Variants in UNC5B observed in about 807,000 individuals in gnomAD.
UNC5B encodes the protein netrin receptor UNC5B.
UNC5B carries 56 observed loss-of-function variants against 103.7 expected under a neutral mutation model. That is an observed-to-expected ratio of 0.54 (90% CI 0.44 to 0.67). The LOEUF (loss-of-function observed/expected upper bound fraction) is 0.67. UNC5B is among the 30% of genes least tolerant of loss of function. UNC5B has a pLI of 0.00. For missense variants in UNC5B, 1,194 were observed against 1,284.5 expected (o/e 0.93, Z 1.08); for synonymous variants, 577 against 542.0 (o/e 1.06, Z -0.90).
At position 71,291,521 on chromosome 10, in the gene UNC5B, T is replaced by G. The variant is rs747332998; in HGVS notation, c.1384T>G (p.Ser462Ala). 1.9e-6 allele frequency: 3 copies of G among 1,613,910 alleles called. No individual in the cohort carries two copies. The East Asian group carries it at 6.7e-5, about 36-fold the overall frequency. The change falls in exon 10 of 17, where the codon TCC becomes GCC. Residue 462 changes from serine to alanine, a missense_variant. Coordinates refer to ENST00000335350, the MANE Select transcript of UNC5B (RefSeq NM_170744.5). ...YRGPVYALQD[S>A]TDKIPMTNSP... ...CGGACCCGTGTATGCCCTGCAGGAC[T>G]CCACCGACAAAATCCCCATGACCAA...
intron 1 of UNC5B, among the ~76,000 whole-genome samples, chr10:71,264,440 G>A (rs1025235670): frequency 6.6e-6 from 1 of 152,176 alleles, no homozygotes; most frequent in Non-Finnish European, 1.5e-5. Flanking sequence ...GAATTTGCAG[G>A]AACACAGGTG....
intron 10 of UNC5B, 78 bp from the exon 11 acceptor site, chr10:71,292,389 C>T: frequency 1.6e-6 from 2 of 1,283,558 alleles, no homozygotes; most frequent in Admixed American, 2.0e-5. Flanking sequence ...TCTCTCCCAG[C>T]CCCAAGCTGG....
In UNC5B at chr10:71,297,761, G is replaced by T. The variant is rs1466327722; in HGVS notation, c.2491-148G>T. On this transcript the variant is annotated intron_variant, in intron 15 of 16. Transcript: ENST00000335350. ...TGCCCTTGGGAACCGACCCTTCAAG[G>T]GAGAAGCCCCTGCCTGAACAGTGGG... 10 of 908,338 alleles carry T rather than the reference G, an allele frequency of 1.1e-5. No homozygotes were observed. The African/African-American group carries it at 1.4e-4, about 12-fold the overall frequency. 56.3% of individuals were successfully genotyped at this position (908,338 alleles called of 1,614,324 possible). A position where few individuals can be genotyped will look rare whatever the true frequency, so the allele number is the denominator to read the frequency against.
In UNC5B at chr10:71,295,837, G is replaced by A. The variant is rs777111969; in HGVS notation, c.2202G>A (p.Leu734=). ...LKEVLELERT[L]GGYLVEEPKP... ...AGGTGCTGGAGCTGGAGCGGACTCT[G>A]GGCGGATACTTGGTGGAGGAGCCGA... is the stretch of plus-strand genomic sequence containing the variant. The change falls in exon 14 of 17, where the codon CTG becomes CTA. Residue 734 remains leucine (L), a synonymous_variant. Transcript: ENST00000335350. The A allele has an allele frequency of 2.5e-6, 4 of 1,612,642 alleles. No homozygotes were observed. Among genetic ancestry groups the A allele is most frequent in the African/African-American group, 2.7e-5 (2 of 74,888 alleles).
At chr10:71,251,526 A>C (rs1456121912) in intron 1 of UNC5B, among the ~76,000 whole-genome samples, 1 of 152,174 alleles carries the variant, frequency 6.6e-6, no homozygotes, top group Non-Finnish European at 1.5e-5. Flanking sequence ...TTTGCTCCAC[A>C]ATGGGAAATA....
intron 1 of UNC5B, among the ~76,000 whole-genome samples, chr10:71,276,981 C>G (rs1844787138): frequency 6.6e-6 from 1 of 152,234 alleles, no homozygotes; most frequent in African/African-American, 2.4e-5. Context: ...CTGCCAAGGC[C>G]AGAGCTGAAT....
intron 1 of UNC5B, among the ~76,000 whole-genome samples, chr10:71,243,410 A>G (rs1337788810): frequency 6.6e-6 from 1 of 152,156 alleles, no homozygotes; most frequent in Non-Finnish European, 1.5e-5. Flanking sequence ...TGCACTGCCC[A>G]GTCTGGTAGC....
chr10:71,294,024 C>G (rs1845344059), intron 13 of UNC5B, 91 bp downstream of exon 13: 6 of 1,192,876 alleles, frequency 5.0e-6, no homozygotes, highest in Non-Finnish European at 6.9e-6. Context: ...TGGGTCCTCC[C>G]AGGAACCCCT....
At chr10:71,246,317 G>A (rs2132265011) in intron 1 of UNC5B, among the ~76,000 whole-genome samples, 1 of 152,274 alleles carries the variant, frequency 6.6e-6, no homozygotes, top group South Asian at 2.1e-4. Flanking sequence ...AAGGGGAGAG[G>A]ATCCGAGAGG....
At chr10:71,291,326 G>T in intron 9 of UNC5B, 106 bp from the exon 10 acceptor site, 1 of 1,493,434 alleles carries the variant, frequency 6.7e-7, no homozygotes. Flanking sequence ...GCAGCTGGCA[G>T]CAATTGGGCC....
intron 1 of UNC5B, among the ~76,000 whole-genome samples, chr10:71,253,212 C>G (rs1375113273): frequency 6.6e-6 from 1 of 152,236 alleles, no homozygotes. Flanking sequence ...AGGCCCAACC[C>G]TCCCCAGCAC....
chr10:71,217,801 C>A (rs1843364942), intron 1 of UNC5B: 1 of 152,142 alleles, frequency 6.6e-6, no homozygotes, highest in African/African-American at 2.4e-5. Flanking sequence ...GCATCGCCGC[C>A]GCTTGTGGGG....
At chr10:71,252,877 T>A (rs910162850) in intron 1 of UNC5B, among the ~76,000 whole-genome samples, 1 of 151,976 alleles carries the variant, frequency 6.6e-6, no homozygotes, top group Admixed American at 6.6e-5. Context: ...TGTTCGGGTC[T>A]CCCCAGGAGA....
chr10:71,235,206 T>C (rs1200046839), intron 1 of UNC5B, among the ~76,000 whole-genome samples: 2 of 152,176 alleles, frequency 1.3e-5, no homozygotes, highest in Admixed American at 1.3e-4. Context: ...GTTCCCTGAT[T>C]ATCTGCAGAC....
intron 1 of UNC5B, among the ~76,000 whole-genome samples, chr10:71,226,893 G>T (rs889396992): frequency 1.3e-5 from 2 of 151,830 alleles, no homozygotes; most frequent in Non-Finnish European, 2.9e-5. Flanking sequence ...GAGATAGATA[G>T]ATATATATAC....
At chr10:71,226,871 T>C (rs191329877) in intron 1 of UNC5B, among the ~76,000 whole-genome samples, 4 of 152,310 alleles carry the variant, frequency 2.6e-5, no homozygotes, top group Non-Finnish European at 1.5e-5. Flanking sequence ...AATTAAGGGA[T>C]ACTTTTCAGA....
intron 5 of UNC5B, 67 bp from the exon 6 acceptor site, chr10:71,287,531 G>A: frequency 9.9e-6 from 15 of 1,514,466 alleles, no homozygotes; most frequent in Non-Finnish European, 1.3e-5. Flanking sequence ...CAGGGTGAGG[G>A]ACGGGTTTGG....
chr10:71,293,119 G>A (rs1311716683), intron 11 of UNC5B, among the ~76,000 whole-genome samples: 1 of 152,168 alleles, frequency 6.6e-6, no homozygotes, highest in Non-Finnish European at 1.5e-5. Context: ...ACTTTAGCGT[G>A]ACCTATTGAA....
At chr10:71,258,249 G>A (rs1285302597) in intron 1 of UNC5B, among the ~76,000 whole-genome samples, 1 of 152,184 alleles carries the variant, frequency 6.6e-6, no homozygotes, top group African/African-American at 2.4e-5. Context: ...AGTGCCACAT[G>A]GGGTGCCCTC....
Sources: allele counts gnomAD v4.1 joint callset (sites outside exome capture counted in the v4.1 genomes callset), GRCh38; gene constraint gnomAD v4.1.1; transcripts MANE v1.5; gene names NCBI Gene and HGNC (gene_info 2026-07-23, HGNC 2026-07-21).